The following NEK4 variants were observed in gnomAD, a reference collection of about 807,000 sequenced individuals.
NEK4 encodes NIMA related kinase 4, also known as serine/threonine-protein kinase Nek4.
A neutral mutation model predicts 98.4 loss-of-function variants in NEK4; 86 were observed. That is an observed-to-expected ratio of 0.87 (90% CI 0.73 to 1.05). NEK4 has a LOEUF of 1.05. Ranked by LOEUF, NEK4 falls within the 50% of genes least tolerant of loss-of-function variation. The pLI is 0.00. For missense variants in NEK4, 898 were observed against 950.3 expected (o/e 0.94, Z 0.72); for synonymous variants, 328 against 342.2 (o/e 0.96, Z 0.46).
At chr3:52,751,259 T>C (rs573188413) in intron 7 of NEK4, among the ~76,000 whole-genome samples, 1 of 152,042 alleles carries the variant, frequency 6.6e-6, no homozygotes, top group African/African-American at 2.4e-5. Context: ...ATCGAGACCA[T>C]CCTGACTAAC....
intron 5 of NEK4, among the ~76,000 whole-genome samples, chr3:52,761,454 T>A (rs1286247064): frequency 1.3e-5 from 2 of 151,934 alleles, no homozygotes; most frequent in East Asian, 1.9e-4. Flanking sequence ...AATTTTTTTG[T>A]ATTTTTTTTT....
chr3:52,744,781 A>G (rs1267078867), intron 10 of NEK4, among the ~76,000 whole-genome samples: 6 of 151,402 alleles, frequency 4.0e-5, no homozygotes, highest in African/African-American at 1.5e-4. Flanking sequence ...AGGAGTGTCC[A>G]TTGGAAACCA....
intron 6 of NEK4, 151 bp downstream of exon 6, chr3:52,760,644 C>T: frequency 1.5e-6 from 1 of 667,848 alleles, no homozygotes; most frequent in African/African-American, 1.8e-5. Context: ...AATCAATCAC[C>T]TTAACCAGTA....
intron 1 of NEK4, among the ~76,000 whole-genome samples, chr3:52,769,409 TAAAAG>T (rs919646131): frequency 3.9e-5 from 6 of 152,206 alleles, no homozygotes; most frequent in Admixed American, 6.5e-5. Context: ...TATTCACACT[TAAAAG>T]AAATCAATAG....
chr3:52,712,311 T>C (rs1239462721), intron 15 of NEK4, among the ~76,000 whole-genome samples: 1 of 152,168 alleles, frequency 6.6e-6, no homozygotes. Context: ...TCGCAGGGCG[T>C]GCAATGGGGG....
rs1349935939 is a variant in NEK4, at chr3:52,763,764, T to G, written c.667-140A>C. 5.3e-6 allele frequency: 3 copies of G among 569,126 alleles called. No individual in the cohort carries two copies. The Admixed American group carries it at 1.1e-4, about 20-fold the overall frequency. The allele number at this position is 569,126 out of a possible 1,614,324, so 35.3% of individuals were successfully genotyped here. A position where few individuals can be genotyped will look rare whatever the true frequency, so the allele number is the denominator to read the frequency against. On this transcript the variant is annotated intron_variant, in intron 4 of 15. Transcript: ENST00000233027. The stretch of plus-strand genomic sequence containing the variant: ...AATCAGTATATTAGTCTACAGGAAG[T>G]GTACTGGTATCCCAGTTGTAAGATA...
intron 6 of NEK4, chr3:52,754,012 C>T (rs1260883096): frequency 3.8e-6 from 1 of 263,308 alleles, no homozygotes; most frequent in Non-Finnish European, 7.4e-6. Context: ...AAAAATATAA[C>T]AATTTGCTGG....
chr3:52,763,719 T>C, intron 4 of NEK4, 95 bp from the exon 5 acceptor site: 1 of 874,870 alleles, frequency 1.1e-6, no homozygotes, highest in Non-Finnish European at 1.8e-6. Context: ...TATAGTCATA[T>C]GTCCACATAA....
At chr3:52,753,241 G>A (rs2097408778) in intron 6 of NEK4, among the ~76,000 whole-genome samples, 1 of 152,092 alleles carries the variant, frequency 6.6e-6, no homozygotes, top group South Asian at 2.1e-4. Flanking sequence ...GGTCAAGGCT[G>A]CAGTGAGCCG....
chr3:52,745,719 G>A (rs2097394978), intron 10 of NEK4, among the ~76,000 whole-genome samples: 1 of 152,090 alleles, frequency 6.6e-6, no homozygotes, highest in South Asian at 2.1e-4. Context: ...TTTATAAGAA[G>A]GTTTTGGAGG....
intron 4 of NEK4, among the ~76,000 whole-genome samples, chr3:52,765,552 T>G (rs1245569823): frequency 6.6e-6 from 1 of 152,216 alleles, no homozygotes; most frequent in Non-Finnish European, 1.5e-5. Flanking sequence ...TAAACTCATT[T>G]TAAATGTAGC....
intron 5 of NEK4, among the ~76,000 whole-genome samples, chr3:52,762,806 G>T (rs567379887): frequency 6.6e-6 from 1 of 151,988 alleles, no homozygotes; most frequent in Non-Finnish European, 1.5e-5. Context: ...GCTTGAACCC[G>T]GGAGGCGGAG....
chr3:52,751,173 C>T (rs1049986407), intron 7 of NEK4, among the ~76,000 whole-genome samples: 2 of 151,868 alleles, frequency 1.3e-5, no homozygotes, highest in Admixed American at 1.3e-4. Context: ...AGCCGGGCAT[C>T]GGCCGAGTGC....
Position 52,708,919 on chromosome 3 carries a change from C to CT in NEK4, c.*2857dup, listed in dbSNP as rs2097347497. 6.6e-6 allele frequency: 1 copy of CT among 152,090 alleles called. No homozygotes were observed. The highest frequency in any genetic ancestry group is 2.4e-5 in the African/African-American group (1 of 41,402). 9.4% of individuals were successfully genotyped at this position (152,090 alleles called of 1,614,324 possible). A position where few individuals can be genotyped will look rare whatever the true frequency, so the allele number is the denominator to read the frequency against. On this transcript the variant is annotated 3_prime_UTR_variant, in exon 16 of 16. Transcript: ENST00000233027. ...TGACACTTTAGGCCAGGCATGGTGCCTCAAGCCTGTAATCCCAGCATTTAG... is the reference window on the plus strand; with the variant it reads ...TGACACTTTAGGCCAGGCATGGTGCCTTCAAGCCTGTAATCCCAGCATTTAG...
chr3:52,762,750 G>A (rs1385444908), intron 5 of NEK4, among the ~76,000 whole-genome samples: 4 of 152,042 alleles, frequency 2.6e-5, no homozygotes, highest in South Asian at 2.1e-4. Flanking sequence ...GCACGGTGGC[G>A]GGTGCCTGTA....
At chr3:52,763,700 A>G (rs1698443285) in intron 4 of NEK4, 76 bp from the exon 5 acceptor site, 6 of 1,072,854 alleles carry the variant, frequency 5.6e-6, no homozygotes, top group South Asian at 1.6e-5. Context: ...AGGTTTCCCA[A>G]TATTTATTTA....
At chr3:52,732,343 G>A (rs898904290) in intron 15 of NEK4, among the ~76,000 whole-genome samples, 63 of 152,178 alleles carry the variant, frequency 4.1e-4, no homozygotes, top group Non-Finnish European at 6.0e-4. Context: ...ACAGATGCCC[G>A]CCACTGCGCC....
chr3:52,763,572 GTTC>G lies in NEK4; in HGVS notation c.716_718del (p.Arg239del), dbSNP rs1180022359. On this transcript the variant is annotated inframe_deletion, in exon 5 of 16. Coordinates refer to ENST00000233027, the MANE Select transcript of NEK4 (RefSeq NM_003157.6). ...TTCTTCAGGCCTTTTGCTCAGCATT[GTTC>G]TTATCAGTTCTGCCAGCTCTGGGCT... 2.5e-6 allele frequency: 4 copies of G among 1,613,422 alleles called. No homozygotes were observed. The highest frequency in any genetic ancestry group is 2.5e-6 in the Non-Finnish European group (3 of 1,179,560).
At chr3:52,732,586 C>T (rs938580949) in intron 15 of NEK4, 1 of 295,364 alleles carries the variant, frequency 3.4e-6, no homozygotes, top group Middle Eastern at 5.9e-4. Context: ...GACTCTTACT[C>T]AGCGTCACTT....
Sources: gnomAD v4.1 joint callset for allele counts (sites outside exome capture counted in the v4.1 genomes callset) on GRCh38, gnomAD v4.1.1 for gene constraint, MANE v1.5 for transcripts, NCBI Gene and HGNC (gene_info 2026-07-23, HGNC 2026-07-21) for gene names.